The following DCAF6 variants were observed in gnomAD, a reference collection of about 807,000 sequenced individuals.
The protein encoded by DCAF6 is DDB1- and CUL4-associated factor 6.
A neutral mutation model predicts 125.1 loss-of-function variants in DCAF6; 54 were observed. The observed-to-expected ratio is 0.43, with a 90% CI of 0.35 to 0.54. DCAF6 has a LOEUF of 0.54. Among genes scored for constraint, DCAF6 ranks in the 20% least tolerant of loss-of-function variants. The pLI, the probability that DCAF6 is intolerant of heterozygous loss-of-function variation, is 0.01. For synonymous variants in DCAF6, 371 were observed against 390.4 expected (o/e 0.95, Z 0.58); for missense variants, 934 against 1,161.7 (o/e 0.80, Z 2.85).
At chr1:167,883,142 A>T in the DCAF6 span, among the ~76,000 whole-genome samples, 43,149 of 152,172 alleles carry the variant, frequency 0.28, 6,274 homozygotes, top group Middle Eastern at 0.38. Flanking sequence ...GGTTCAAGCC[A>T]TTGTCCTGCC....
intron 10 of DCAF6, among the ~76,000 whole-genome samples, chr1:168,008,659 G>GA (rs1271340467): frequency 1.2e-4 from 18 of 149,742 alleles, no homozygotes; most frequent in South Asian, 2.1e-4. Flanking sequence ...AACTACAAAA[G>GA]AAAAAAAAAT....
intron 3 of DCAF6, among the ~76,000 whole-genome samples, 157 bp downstream of exon 3, chr1:167,966,878 A>G (rs1335220120): frequency 3.3e-5 from 5 of 152,148 alleles, no homozygotes; most frequent in Non-Finnish European, 7.4e-5. Flanking sequence ...TCTTAGGTAC[A>G]TGTGGGTCTC....
the DCAF6 span, among the ~76,000 whole-genome samples, chr1:167,910,246 T>C: frequency 1.3e-5 from 2 of 152,200 alleles, no homozygotes; most frequent in East Asian, 1.9e-4. Context: ...CCTTTTCATA[T>C]GTTAACTAGC....
the DCAF6 span, among the ~76,000 whole-genome samples, chr1:167,884,944 C>A: frequency 6.6e-6 from 1 of 152,190 alleles, no homozygotes; most frequent in African/African-American, 2.4e-5. Flanking sequence ...GATCTGCCTG[C>A]CTTGGCCTCC....
intron 21 of DCAF6, 73 bp from the exon 22 acceptor site, chr1:168,075,294 AAAAG>A: frequency 7.4e-7 from 1 of 1,345,866 alleles, no homozygotes; most frequent in Non-Finnish European, 1.0e-6. Flanking sequence ...CGTTTTAAAT[AAAAG>A]GCATTGAAAA....
chr1:167,903,454 C>T, the DCAF6 span, among the ~76,000 whole-genome samples: 1 of 151,694 alleles, frequency 6.6e-6, no homozygotes, highest in Non-Finnish European at 1.5e-5. Flanking sequence ...ATCCTAGCTA[C>T]TCGGGAGGCT....
chr1:167,884,480 G>A, the DCAF6 span, among the ~76,000 whole-genome samples: 1 of 152,082 alleles, frequency 6.6e-6, no homozygotes, highest in Admixed American at 6.6e-5. Flanking sequence ...TTCAACATGA[G>A]ATTTGGGAGG....
At chr1:168,031,791 A>G (rs1687129726) in intron 12 of DCAF6, among the ~76,000 whole-genome samples, 1 of 152,164 alleles carries the variant, frequency 6.6e-6, no homozygotes, top group Non-Finnish European at 1.5e-5. Flanking sequence ...CATGTGCCAC[A>G]TGGCGTGGGC....
the DCAF6 span, among the ~76,000 whole-genome samples, chr1:167,883,055 TGAGACG>T: frequency 6.6e-5 from 10 of 152,242 alleles, no homozygotes; most frequent in African/African-American, 2.4e-4. Context: ...TTTGTTTAGT[TGAGACG>T]GAGTCTCACG....
At chr1:167,931,212 G>A (rs939784565), upstream of DCAF6, among the ~76,000 whole-genome samples, 1 of 152,206 alleles carries the variant, frequency 6.6e-6, no homozygotes, top group African/African-American at 2.4e-5. Context: ...GATTACAGGT[G>A]TGAGCTACCG....
intron 1 of DCAF6, among the ~76,000 whole-genome samples, chr1:167,950,622 G>A (rs1045605385): frequency 6.6e-6 from 1 of 152,172 alleles, no homozygotes; most frequent in Non-Finnish European, 1.5e-5. Flanking sequence ...GCAAGAAAGT[G>A]CAATAGAGAA....
At chr1:167,950,511 T>A (rs1279064980) in intron 1 of DCAF6, among the ~76,000 whole-genome samples, 1 of 152,180 alleles carries the variant, frequency 6.6e-6, no homozygotes, top group Non-Finnish European at 1.5e-5. Context: ...TTTTTTAACT[T>A]ATATGTTCAT....
chr1:167,962,986 G>A (rs1385995888), intron 2 of DCAF6, among the ~76,000 whole-genome samples: 2 of 151,928 alleles, frequency 1.3e-5, no homozygotes, highest in African/African-American at 2.4e-5. Context: ...GTTGCCAGGC[G>A]TGGTGGCTCA....
chr1:167,967,078 C>T (rs926806343), intron 3 of DCAF6, among the ~76,000 whole-genome samples: 26 of 151,994 alleles, frequency 1.7e-4, no homozygotes, highest in Admixed American at 1.5e-3. Context: ...AATATATTAT[C>T]TTAACATTCT....
At chr1:168,047,894 G>T (rs1266480113) in intron 16 of DCAF6, among the ~76,000 whole-genome samples, 1 of 151,316 alleles carries the variant, frequency 6.6e-6, no homozygotes, top group Non-Finnish European at 1.5e-5. Context: ...AACTTTTTTG[G>T]CACCATCCTG....
At chr1:167,936,019 C>T (rs1021628595), upstream of DCAF6, 3 of 612,172 alleles carry the variant, frequency 4.9e-6, no homozygotes, top group African/African-American at 3.7e-5. Context: ...GCGGCCCGCG[C>T]CCCGCGAAGG....
chr1:167,949,846 GT>G (rs1205778811), intron 1 of DCAF6, among the ~76,000 whole-genome samples: 1 of 152,116 alleles, frequency 6.6e-6, no homozygotes, highest in African/African-American at 2.4e-5. Flanking sequence ...TTTGTGGTGG[GT>G]TTTTGCTTCT....
the DCAF6 span, chr1:167,883,632 C>G: frequency 1.2e-6 from 2 of 1,614,194 alleles, no homozygotes; most frequent in Non-Finnish European, 8.5e-7. Context: ...TATCAATCTG[C>G]AAAGTAGAGA....
chr1:167,977,001 T>A (rs111444726), intron 4 of DCAF6, among the ~76,000 whole-genome samples: 4,212 of 141,796 alleles, frequency 0.03, 143 homozygotes, highest in African/African-American at 0.084. Context: ...CCTCCTGGGT[T>A]CAAGTAATTC....
Sources: allele counts gnomAD v4.1 joint callset (sites outside exome capture counted in the v4.1 genomes callset), GRCh38; gene constraint gnomAD v4.1.1; transcripts MANE v1.5; gene names NCBI Gene and HGNC (gene_info 2026-07-23, HGNC 2026-07-21).